The following RAB26 variants were observed in gnomAD, a reference collection of about 807,000 sequenced individuals.
RAB26 encodes the protein RAB26, member RAS oncogene family.
RAB26 carries 39 observed loss-of-function variants against 33.1 expected under a neutral mutation model. The observed-to-expected ratio is 1.18, with a 90% CI of 0.91 to 1.54. The LOEUF (loss-of-function observed/expected upper bound fraction) is 1.54. RAB26 is among the 40% of genes most tolerant of loss of function. The probability of loss-of-function intolerance (pLI) is 0.00; values close to 1 mark genes in which losing one functional copy is unlikely to be tolerated. For missense variants in RAB26, 468 were observed against 362.9 expected (o/e 1.29, Z -2.35); for synonymous variants, 192 against 151.9 (o/e 1.26, Z -1.94).
rs1367524844 is a variant in RAB26, at chr16:2,153,025, G to T, written c.571G>T (p.Asp191Tyr). ...CCATGAGCGTGTGGTGAAGAGGGAG[G>T]ACGGGGAGAAGCTGGCCAAGGTGAG... is the stretch of plus-strand genomic sequence containing the variant. ...SAHERVVKRE[D>Y]GEKLAKEYGL... The change falls in exon 7 of 9, where the codon GAC becomes TAC. Residue 191 changes from aspartate (D) to tyrosine (Y), a missense_variant. Coordinates refer to ENST00000210187, the MANE Select transcript of RAB26 (RefSeq NM_014353.5). The T allele has an allele frequency of 1.9e-6, 3 of 1,602,606 alleles. No homozygotes were observed. Among genetic ancestry groups the T allele is most frequent in the Non-Finnish European group, 2.6e-6 (3 of 1,172,284 alleles).
intron 1 of RAB26, 32 bp from the exon 2 acceptor site, chr16:2,149,909 C>T (rs1385341097): frequency 1.4e-6 from 2 of 1,480,130 alleles, no homozygotes; most frequent in Admixed American, 2.4e-5. Context: ...CAGGGCAGAC[C>T]AGACTCCCCC....
rs35389799 is a variant in RAB26, at chr16:2,151,172, C to A, written c.307-397C>A. 2.3e-3 allele frequency: 1,075 copies of A among 468,444 alleles called. 3 individuals are homozygous for A. Among genetic ancestry groups the A allele is most frequent in the Non-Finnish European group, 3.4e-3 (794 of 236,896 alleles). The allele number at this position is 468,444 out of a possible 1,614,324, so 29.0% of individuals were successfully genotyped here. ...GCCCTGGCTGGAGTGCAGTGGTGAT[C>A]ATGGTGGACTGCAACCTCCAACTTC... On this transcript the variant is annotated intron_variant, in intron 2 of 8. Coordinates refer to ENST00000210187, the MANE Select transcript of RAB26 (RefSeq NM_014353.5).
At chr16:2,149,701 C>T (rs907190401) in intron 1 of RAB26, among the ~76,000 whole-genome samples, 2 of 152,158 alleles carry the variant, frequency 1.3e-5, no homozygotes, top group East Asian at 1.9e-4. Flanking sequence ...AGGGAGGGTC[C>T]GGGATGCAGG....
intron 2 of RAB26, 136 bp from the exon 3 acceptor site, chr16:2,151,433 G>GGC: frequency 8.3e-7 from 1 of 1,209,504 alleles, no homozygotes; most frequent in Non-Finnish European, 1.2e-6. Flanking sequence ...AGGTCAAATT[G>GGC]GCTTAAGGGA....
chr16:2,149,009 G>A, intron 1 of RAB26, 31 bp downstream of exon 1: 1 of 1,264,036 alleles, frequency 7.9e-7, no homozygotes, highest in East Asian at 3.1e-5. Flanking sequence ...CCAGGCCAGC[G>A]CAGCAGGTGG....
intron 1 of RAB26, 55 bp from the exon 2 acceptor site, chr16:2,149,886 G>A: frequency 7.2e-7 from 1 of 1,386,628 alleles, no homozygotes; most frequent in Non-Finnish European, 9.6e-7. Flanking sequence ...GCCCCCTTCT[G>A]ACCAGGCCAG....
intron 1 of RAB26, among the ~76,000 whole-genome samples, chr16:2,149,328 T>C (rs1310984695): frequency 7.4e-6 from 1 of 134,360 alleles, no homozygotes; most frequent in Non-Finnish European, 1.6e-5. Context: ...TTTTTTTTGC[T>C]GGGGGGAAGA....
Position 2,153,234 on chromosome 16 carries a change from C to CA in RAB26, c.668+13dup. 6.2e-7 allele frequency: 1 copy of CA among 1,613,714 alleles called. No homozygotes were observed. The highest frequency in any genetic ancestry group is 8.5e-7 in the Non-Finnish European group (1 of 1,179,956). The stretch of plus-strand genomic sequence containing the variant: ...ACAGCCATAGCAAAGTAAGTCCTGC[C>CA]AGTCACCAGGACTCCCCCAGCCCAG... On this transcript the variant is annotated intron_variant, in intron 8 of 8. Transcript: ENST00000210187.
chr16:2,149,931 CTT>C lies in RAB26; in HGVS notation c.196-9_196-8del. ...GACCAGACTCCCCCCAACCCTCCTG[CTT>C]GTCCTAGGTCATGCTGGTGGGGGAC... On this transcript the variant is annotated splice_polypyrimidine_tract_variant and splice_region_variant and intron_variant, in intron 1 of 8. Transcript: ENST00000210187. The C allele has an allele frequency of 6.6e-7, 1 of 1,516,672 alleles. No individual in the cohort carries two copies. The highest frequency in any genetic ancestry group is 8.9e-7 in the Non-Finnish European group (1 of 1,129,860). 94.0% of individuals were successfully genotyped at this position (1,516,672 alleles called of 1,614,324 possible).
intron 1 of RAB26, 135 bp downstream of exon 1, chr16:2,149,113 C>A: frequency 2.2e-6 from 2 of 909,106 alleles, no homozygotes; most frequent in Non-Finnish European, 2.9e-6. Context: ...CCCCGTGGGG[C>A]TTGCACGGTG....
At position 2,151,895 on chromosome 16, in the gene RAB26, T is replaced by G; in HGVS notation, c.455T>G (p.Phe152Cys). The part of the protein sequence containing the change: ...LLYDVTNKAS[F>C]DNIQAWLTEI... The stretch of plus-strand genomic sequence containing the variant: ...TACGATGTCACCAACAAGGCCTCCT[T>G]TGACAACATCCAGGTCAGTGGCTTT... The change falls in exon 5 of 9, where the codon TTT becomes TGT. Residue 152 changes from phenylalanine (F) to cysteine (C), a missense_variant. Coordinates refer to ENST00000210187, the MANE Select transcript of RAB26 (RefSeq NM_014353.5). 1 of 1,614,142 alleles carries G rather than the reference T, an allele frequency of 6.2e-7. No homozygotes were observed. Among genetic ancestry groups the G allele is most frequent in the Non-Finnish European group, 8.5e-7 (1 of 1,180,038 alleles).
In RAB26 at chr16:2,153,367, G is replaced by A. The variant is rs1350347940; in HGVS notation, c.717G>A (p.Arg239=). The A allele has an allele frequency of 1.2e-5, 19 of 1,613,414 alleles. No individual in the cohort carries two copies. The highest frequency in any genetic ancestry group is 1.6e-5 in the Non-Finnish European group (19 of 1,180,038). The change falls in exon 9 of 9, where the codon CGG becomes CGA. Residue 239 remains arginine, a synonymous_variant. Coordinates refer to ENST00000210187, the MANE Select transcript of RAB26 (RefSeq NM_014353.5). ...AGGCTCCCAGCGAGCCGCGCTTCCGGCTGCATGATTACGTTAAGAGGGAGG... is the reference window on the plus strand; with the variant it reads ...AGGCTCCCAGCGAGCCGCGCTTCCGACTGCATGATTACGTTAAGAGGGAGG... The part of the protein sequence containing the change: ...SMKAPSEPRF[R]LHDYVKREGR...
chr16:2,152,802 G>T lies in RAB26; in HGVS notation c.469-18G>T, dbSNP rs1240143423. 3.1e-6 allele frequency: 5 copies of T among 1,601,718 alleles called. No individual in the cohort carries two copies. The highest frequency in any genetic ancestry group is 4.2e-6 in the Non-Finnish European group (5 of 1,176,524). On this transcript the variant is annotated intron_variant, in intron 5 of 8. Coordinates refer to ENST00000210187, the MANE Select transcript of RAB26 (RefSeq NM_014353.5). ...AAGCCATGCAGGGAGCCCCAGCCTGGTCTGCTGCCTCCCACAGGCCTGGCT... is the reference window on the plus strand; with the variant it reads ...AAGCCATGCAGGGAGCCCCAGCCTGTTCTGCTGCCTCCCACAGGCCTGGCT...
At chr16:2,150,622 G>GTCTGGGGAGCTGTTCTCTACCCCA (rs140132785) in intron 2 of RAB26, among the ~76,000 whole-genome samples, 2 of 25,020 alleles carry the variant, frequency 8.0e-5, no homozygotes, top group South Asian at 7.6e-3. Flanking sequence ...GCTCCCTCCA[G>GTCTGGGGAGCTGTTCTCTACCCCA]TCTGGGGGTT....
Position 2,148,938 on chromosome 16 carries a change from C to T in RAB26, c.155C>T (p.Ser52Leu), listed in dbSNP as rs755427910. The stretch of plus-strand genomic sequence containing the variant: ...GGGCCCTTGCAGCCCGGCCGGCCCT[C>T]GCTTGGCGGCGGTGTCGACTTCTAC... ...PNGPLQPGRP[S>L]LGGGVDFYDV... is the part of the protein sequence containing the mutation. The change falls in exon 1 of 9, where the codon TCG becomes TTG. Residue 52 changes from serine to leucine, a missense_variant. Transcript: ENST00000210187. 142 of 1,296,170 alleles carry T rather than the reference C, an allele frequency of 1.1e-4. No homozygotes were observed. The highest frequency in any genetic ancestry group is 1.3e-4 in the Non-Finnish European group (132 of 1,020,696). 80.3% of individuals were successfully genotyped at this position (1,296,170 alleles called of 1,614,324 possible). A position where few individuals can be genotyped will look rare whatever the true frequency, so the allele number is the denominator to read the frequency against.
intron 1 of RAB26, 110 bp from the exon 2 acceptor site, chr16:2,149,831 C>T: frequency 1.3e-6 from 1 of 779,848 alleles, no homozygotes; most frequent in South Asian, 2.3e-5. Flanking sequence ...CCCGCTGAGC[C>T]TGCAGGCCTG....
chr16:2,153,058 A>AG lies in RAB26; in HGVS notation c.591+19dup, dbSNP rs766694246. The AG allele has an allele frequency of 3.1e-5, 50 of 1,610,542 alleles. No individual in the cohort carries two copies. In the Admixed American group the frequency reaches 4.5e-4, roughly 15 times the overall value. On this transcript the variant is annotated intron_variant, in intron 7 of 8. Coordinates refer to ENST00000210187, the MANE Select transcript of RAB26 (RefSeq NM_014353.5). ...GAAGCTGGCCAAGGTGAGTCAGGGC[A>AG]GGGGGGTGGTGAGGGGGTGCCCCTG...
At position 2,153,379 on chromosome 16, in the gene RAB26, C is replaced by G. The variant is rs551411702; in HGVS notation, c.729C>G (p.Tyr243Ter). 6.2e-7 allele frequency: 1 copy of G among 1,613,508 alleles called. No individual in the cohort carries two copies. The highest frequency in any genetic ancestry group is 2.2e-5 in the East Asian group (1 of 44,880). ...AGCCGCGCTTCCGGCTGCATGATTA[C>G]GTTAAGAGGGAGGGTCGAGGGGCCT... ...PSEPRFRLHD[Y>*]VKREGRGASC... Residue 243 changes from tyrosine (Y) to a stop codon, truncating the protein, a stop_gained, in exon 9 of 9, where the codon TAC becomes TAG. Coordinates refer to ENST00000210187, the MANE Select transcript of RAB26 (RefSeq NM_014353.5). LOFTEE classifies it high-confidence loss of function.
At position 2,151,574 on chromosome 16, in the gene RAB26, A is replaced by C; in HGVS notation, c.312A>C (p.Lys104Asn). 6.2e-7 allele frequency: 1 copy of C among 1,613,960 alleles called. No homozygotes were observed. The highest frequency in any genetic ancestry group is 8.5e-7 in the Non-Finnish European group (1 of 1,180,024). Residue 104 changes from lysine to asparagine, a missense_variant, in exon 3 of 9, where the codon AAA becomes AAC. Transcript: ENST00000210187. Reference protein sequence around the residue: ...ISTVGIDFRNKVLDVDGVKVK... With the variant: ...ISTVGIDFRNNVLDVDGVKVK... The stretch of plus-strand genomic sequence containing the variant: ...CCTGGTTCTGTCTGTTTCAGAACAA[A>C]GTTCTGGACGTGGATGGTGTGAAGG...
Sources: gnomAD v4.1 joint callset for allele counts (sites outside exome capture counted in the v4.1 genomes callset) on GRCh38, gnomAD v4.1.1 for gene constraint, MANE v1.5 for transcripts, NCBI Gene and HGNC (gene_info 2026-07-23, HGNC 2026-07-21) for gene names.